Variants in CNTNAP2 observed in about 807,000 individuals in gnomAD.
The protein encoded by CNTNAP2 is contactin-associated protein-like 2.
In CNTNAP2, 98 loss-of-function variants were observed where a neutral mutation model predicts 155.2. The observed-to-expected ratio is 0.63, with a 90% confidence interval of 0.54 to 0.75. The LOEUF (loss-of-function observed/expected upper bound fraction) is 0.75, where lower values mean the gene tolerates loss of function less well. Among genes scored for constraint, CNTNAP2 ranks in the 30% least tolerant of loss-of-function variants. The pLI, the probability that CNTNAP2 is intolerant of heterozygous loss-of-function variation, is 0.00. For missense variants in CNTNAP2, 1,727 were observed against 1,688.1 expected (o/e 1.02, Z -0.40); for synonymous variants, 651 against 631.2 (o/e 1.03, Z -0.47).
intron 3 of CNTNAP2, among the ~76,000 whole-genome samples, chr7:146,873,484 CA>C (rs1795356300): frequency 6.6e-6 from 1 of 151,902 alleles, no homozygotes; most frequent in Non-Finnish European, 1.5e-5. Flanking sequence ...TGCTGTGTGC[CA>C]GGGACTTTTT....
chr7:147,316,736 CA>C (rs141417186), intron 9 of CNTNAP2, among the ~76,000 whole-genome samples: 7,673 of 152,088 alleles, frequency 0.05, 241 homozygotes, highest in African/African-American at 0.091. Flanking sequence ...TTTATTGCAA[CA>C]ACATAGTCAT....
At position 146,861,030 on chromosome 7, in the gene CNTNAP2, G is replaced by A. The variant is rs189218338; in HGVS notation, c.402+21126G>A. On this transcript the variant is annotated intron_variant, in intron 3 of 23. Coordinates refer to ENST00000361727, the MANE Select transcript of CNTNAP2 (RefSeq NM_014141.6). Reference sequence around the variant, plus strand: ...TTCTTTTCACATTATATGGATTTCCGTTTTAATTTATTTTCTTTTTTCTTT... The same window carrying A: ...TTCTTTTCACATTATATGGATTTCCATTTTAATTTATTTTCTTTTTTCTTT... 9.3e-4 allele frequency among the ~76,000 whole-genome samples: 141 copies of A among 151,936 alleles called. 1 individual carries two copies. The highest frequency in any genetic ancestry group is 1.6e-3 in the Non-Finnish European group (109 of 67,912).
intron 1 of CNTNAP2, among the ~76,000 whole-genome samples, chr7:146,344,072 G>A (rs1368061130): frequency 6.6e-6 from 1 of 152,142 alleles, no homozygotes; most frequent in Admixed American, 6.5e-5. Flanking sequence ...AGAAGCTATT[G>A]TAAAAAGAAT....
chr7:147,907,456 G>A (rs894134798), intron 14 of CNTNAP2, among the ~76,000 whole-genome samples: 2 of 152,126 alleles, frequency 1.3e-5, no homozygotes, highest in African/African-American at 4.8e-5. Flanking sequence ...GAATTCACCA[G>A]CACCTAGCAA....
chr7:147,298,547 CAT>C (rs773554907), intron 8 of CNTNAP2, among the ~76,000 whole-genome samples: 1 of 152,176 alleles, frequency 6.6e-6, no homozygotes, highest in Non-Finnish European at 1.5e-5. Flanking sequence ...CTACTACAAA[CAT>C]GTGACTATCT....
At chr7:147,745,794 A>C (rs911561746) in intron 13 of CNTNAP2, among the ~76,000 whole-genome samples, 3 of 152,242 alleles carry the variant, frequency 2.0e-5, no homozygotes, top group Admixed American at 2.0e-4. Flanking sequence ...CAATGAATCA[A>C]TTCAGGAGTC....
At chr7:147,136,770 C>T (rs1466683944) in intron 8 of CNTNAP2, among the ~76,000 whole-genome samples, 1 of 151,858 alleles carries the variant, frequency 6.6e-6, no homozygotes. Context: ...CATGAGACAT[C>T]CTTTTCATCA....
intron 15 of CNTNAP2, among the ~76,000 whole-genome samples, chr7:148,027,860 G>A (rs1028511638): frequency 6.6e-6 from 1 of 151,950 alleles, no homozygotes; most frequent in African/African-American, 2.4e-5. Flanking sequence ...ACTCAACTTG[G>A]GCCTCTCAAT....
chr7:147,534,117 C>T (rs1799499898), intron 11 of CNTNAP2, among the ~76,000 whole-genome samples: 3 of 152,148 alleles, frequency 2.0e-5, no homozygotes, highest in South Asian at 4.1e-4. Context: ...TAGTTTTCAA[C>T]CTGGAGTGAT....
At chr7:147,430,277 A>AGGAAG (rs1203467684) in intron 10 of CNTNAP2, among the ~76,000 whole-genome samples, 1 of 152,326 alleles carries the variant, frequency 6.6e-6, no homozygotes, top group African/African-American at 2.4e-5. Flanking sequence ...CTATGAGGTC[A>AGGAAG]CAGCCTAGGA....
intron 2 of CNTNAP2, among the ~76,000 whole-genome samples, chr7:146,806,072 A>G (rs1303651019): frequency 6.6e-6 from 1 of 152,200 alleles, no homozygotes; most frequent in African/African-American, 2.4e-5. Context: ...CCATGATAGT[A>G]CAAATGCTTG....
At chr7:146,220,652 T>A (rs1799192261) in intron 1 of CNTNAP2, among the ~76,000 whole-genome samples, 1 of 152,202 alleles carries the variant, frequency 6.6e-6, no homozygotes, top group South Asian at 2.1e-4. Context: ...ATGTAATAAA[T>A]GTGGTTAATA....
At chr7:147,600,483 CAT>C (rs1800922594) in intron 12 of CNTNAP2, among the ~76,000 whole-genome samples, 1 of 152,112 alleles carries the variant, frequency 6.6e-6, no homozygotes, top group South Asian at 2.1e-4. Flanking sequence ...TGGACACTGA[CAT>C]GTGCATTTTA....
chr7:146,426,185 C>CAAAAAA (rs57484419), intron 1 of CNTNAP2, among the ~76,000 whole-genome samples: 9,406 of 54,484 alleles, frequency 0.17, 758 homozygotes, highest in Non-Finnish European at 0.22. Context: ...GACTTCGCCT[C>CAAAAAA]AAAAAAAAAA....
chr7:146,957,351 A>G (rs376894686), intron 3 of CNTNAP2, among the ~76,000 whole-genome samples: 2 of 152,128 alleles, frequency 1.3e-5, no homozygotes, highest in Non-Finnish European at 1.5e-5. Flanking sequence ...CCTATAATCT[A>G]TGGAATCACC....
intron 14 of CNTNAP2, among the ~76,000 whole-genome samples, chr7:147,961,332 C>A (rs765844693): frequency 6.6e-6 from 1 of 152,082 alleles, no homozygotes; most frequent in African/African-American, 2.4e-5. Flanking sequence ...TTTGACATTT[C>A]CTGGAGAAGT....
intron 21 of CNTNAP2, among the ~76,000 whole-genome samples, chr7:148,295,704 G>A (rs1326397462): frequency 3.3e-5 from 5 of 151,522 alleles, no homozygotes; most frequent in Non-Finnish European, 7.4e-5. Flanking sequence ...TGTTAGCCAG[G>A]ATGGTCTCCA....
At chr7:147,971,962 A>AC (rs926606763) in intron 14 of CNTNAP2, among the ~76,000 whole-genome samples, 1 of 151,930 alleles carries the variant, frequency 6.6e-6, no homozygotes, top group Non-Finnish European at 1.5e-5. Flanking sequence ...TTTACAGCCC[A>AC]CCCCCCGAGC....
chr7:148,088,128 A>T (rs1423227155), intron 15 of CNTNAP2, among the ~76,000 whole-genome samples: 1 of 152,038 alleles, frequency 6.6e-6, no homozygotes, highest in African/African-American at 2.4e-5. Context: ...AGCAAGTTGA[A>T]TCCTTGTATC....
Sources: allele counts gnomAD v4.1 joint callset (sites outside exome capture counted in the v4.1 genomes callset), GRCh38; gene constraint gnomAD v4.1.1; transcripts MANE v1.5; gene names NCBI Gene and HGNC (gene_info 2026-07-23, HGNC 2026-07-21).